RBMS3: variants seen among roughly 807,000 people sequenced by gnomAD.
RBMS3 encodes RNA-binding motif, single-stranded-interacting protein 3.
RBMS3 carries 27 observed loss-of-function variants against 66.8 expected under a neutral mutation model. The ratio of observed to expected loss-of-function variants is 0.40; its 90% CI spans 0.30 to 0.56. The LOEUF (loss-of-function observed/expected upper bound fraction) is 0.56. Among genes scored for constraint, RBMS3 ranks in the 20% least tolerant of loss-of-function variants. The pLI is 0.40. For missense variants in RBMS3, 513 were observed against 549.5 expected (o/e 0.93, Z 0.66); for synonymous variants, 188 against 183.0 (o/e 1.03, Z -0.22).
intron 4 of RBMS3, among the ~76,000 whole-genome samples, chr3:29,623,271 G>A (rs1431342269): frequency 6.6e-6 from 1 of 151,456 alleles, no homozygotes; most frequent in African/African-American, 2.4e-5. Context: ...TATACGCCGA[G>A]TACTAGGCAA....
At chr3:29,329,835 C>G (rs906187654) in intron 1 of RBMS3, among the ~76,000 whole-genome samples, 3 of 147,222 alleles carry the variant, frequency 2.0e-5, no homozygotes, top group African/African-American at 7.4e-5. Context: ...TTTTATAAAT[C>G]ATGTGAAAAA....
In RBMS3 at chr3:29,877,384, A is replaced by G. The variant is rs76032783; in HGVS notation, c.745-6778A>G. Among the ~76,000 whole-genome samples the G allele has an allele frequency of 2.6e-4, 39 of 152,306 alleles. 1 individual carries two copies. The highest frequency in any genetic ancestry group is 2.4e-4 in the Non-Finnish European group (16 of 68,030). On this transcript the variant is annotated intron_variant, in intron 7 of 14. Transcript: ENST00000383767. ...GAGAGGATCACAGAAACCAAAGAAG[A>G]AAAATACACTGGTCAAATGATGCAA...
intron 3 of RBMS3, among the ~76,000 whole-genome samples, chr3:29,586,911 G>A (rs1000688122): frequency 6.6e-6 from 1 of 152,094 alleles, no homozygotes; most frequent in Non-Finnish European, 1.5e-5. Flanking sequence ...TAGAAAATAA[G>A]AGTTACTATT....
chr3:29,702,410 C>A (rs768041070), intron 4 of RBMS3, among the ~76,000 whole-genome samples: 5 of 152,136 alleles, frequency 3.3e-5, no homozygotes, highest in Admixed American at 6.5e-5. Flanking sequence ...GTAAAATGGA[C>A]CAATCAGCAG....
At position 30,006,364 on chromosome 3, in the gene RBMS3, G is replaced by A. The variant is rs1252298223; in HGVS notation, c.*2502G>A. 6.6e-6 allele frequency: 1 copy of A among 151,808 alleles called. No homozygotes were observed. The highest frequency in any genetic ancestry group is 1.5e-5 in the Non-Finnish European group (1 of 67,828). The allele number at this position is 151,808 out of a possible 1,614,324, so 9.4% of individuals were successfully genotyped here. A position where few individuals can be genotyped will look rare whatever the true frequency, so the allele number is the denominator to read the frequency against. Reference sequence around the variant, plus strand: ...CCATGCACTGGAAGCCCAAATCAGAGAATGACTCCATATATTTATGGTCAC... The same window carrying A: ...CCATGCACTGGAAGCCCAAATCAGAAAATGACTCCATATATTTATGGTCAC... On this transcript the variant is annotated 3_prime_UTR_variant, in exon 15 of 15. Transcript: ENST00000383767.
At chr3:29,787,957 A>C (rs1378900306) in intron 6 of RBMS3, among the ~76,000 whole-genome samples, 1 of 152,150 alleles carries the variant, frequency 6.6e-6, no homozygotes, top group Non-Finnish European at 1.5e-5. Context: ...TTATATTTTG[A>C]GTTGGTAATA....
intron 12 of RBMS3, among the ~76,000 whole-genome samples, chr3:29,978,777 T>C (rs528434558): frequency 5.5e-4 from 83 of 152,136 alleles, no homozygotes; most frequent in African/African-American, 1.9e-3. Flanking sequence ...AGAAGGAAGA[T>C]CTTAAGACCT....
intron 10 of RBMS3, among the ~76,000 whole-genome samples, chr3:29,902,697 C>CTTTCCTCA (rs2060284947): frequency 6.6e-6 from 1 of 151,852 alleles, no homozygotes; most frequent in Admixed American, 6.6e-5. Flanking sequence ...CACATTTTCT[C>CTTTCCTCA]TTTCCTCACT....
At chr3:29,399,609 A>G (rs1053526280) in intron 1 of RBMS3, among the ~76,000 whole-genome samples, 5 of 152,316 alleles carry the variant, frequency 3.3e-5, no homozygotes, top group Admixed American at 2.6e-4. Flanking sequence ...GATTACATCA[A>G]TGTCCTGAAT....
At chr3:29,527,324 T>G (rs1233827788) in intron 3 of RBMS3, among the ~76,000 whole-genome samples, 1 of 152,050 alleles carries the variant, frequency 6.6e-6, no homozygotes, top group African/African-American at 2.4e-5. Context: ...CCTAATGCCA[T>G]GTAAACAAGT....
chr3:29,575,203 A>G (rs929147389), intron 3 of RBMS3, among the ~76,000 whole-genome samples: 3 of 151,584 alleles, frequency 2.0e-5, no homozygotes, highest in Non-Finnish European at 2.9e-5. Flanking sequence ...TCCATCAGCT[A>G]TTTTTTCATC....
chr3:29,412,337 T>C (rs1434982889), intron 1 of RBMS3, among the ~76,000 whole-genome samples: 1 of 152,192 alleles, frequency 6.6e-6, no homozygotes, highest in Non-Finnish European at 1.5e-5. Context: ...GCAGTATGCT[T>C]GCAGGTGTTT....
chr3:29,615,886 T>C (rs1329749927), intron 4 of RBMS3: 4 of 152,200 alleles, frequency 2.6e-5, no homozygotes, highest in African/African-American at 9.6e-5. Flanking sequence ...TTAAGAGACA[T>C]AACATGATGA....
At chr3:29,483,045 A>G (rs908013882) in intron 2 of RBMS3, among the ~76,000 whole-genome samples, 1 of 151,900 alleles carries the variant, frequency 6.6e-6, no homozygotes, top group African/African-American at 2.4e-5. Context: ...AGGAAAATTT[A>G]TTTGAAGTTT....
Position 29,281,166 on chromosome 3 carries a change from CT to C in RBMS3, c.-513del, listed in dbSNP as rs1275183487. ...TTTTCTTTTTTTTTTTCTTTTTCCC[CT>C]TTCTTTTTCTTTCTTTCTTTCTTTT... On this transcript the variant is annotated 5_prime_UTR_variant, in exon 1 of 15. Transcript: ENST00000383767. The C allele has an allele frequency of 8.3e-6, 1 of 119,904 alleles. No individual in the cohort carries two copies. Among genetic ancestry groups the C allele is most frequent in the African/African-American group, 3.1e-5 (1 of 32,182 alleles). The allele number at this position is 119,904 out of a possible 1,614,324, so 7.4% of individuals were successfully genotyped here. A position where few individuals can be genotyped will look rare whatever the true frequency, so the allele number is the denominator to read the frequency against.
At chr3:29,367,294 T>A (rs1229866637) in intron 1 of RBMS3, among the ~76,000 whole-genome samples, 2 of 152,186 alleles carry the variant, frequency 1.3e-5, no homozygotes, top group African/African-American at 2.4e-5. Context: ...TCTATGTATA[T>A]CTATGCTAAA....
chr3:29,609,161 T>C (rs1462029909), intron 4 of RBMS3, among the ~76,000 whole-genome samples: 3 of 151,992 alleles, frequency 2.0e-5, no homozygotes, highest in Non-Finnish European at 4.4e-5. Flanking sequence ...ATCAAATGAA[T>C]ATAAAAGTTT....
intron 4 of RBMS3, among the ~76,000 whole-genome samples, chr3:29,658,523 G>T (rs9831584): frequency 0.19 from 29,477 of 152,088 alleles, 3,196 homozygotes; most frequent in East Asian, 0.34. Context: ...CTGCTCTTTA[G>T]CTATGAATGT....
At chr3:29,435,660 C>T (rs772067901) in intron 2 of RBMS3, among the ~76,000 whole-genome samples, 9 of 152,120 alleles carry the variant, frequency 5.9e-5, no homozygotes, top group East Asian at 1.9e-4. Context: ...TAGACCTGGC[C>T]GGGCACAGTG....
Sources: allele counts gnomAD v4.1 joint callset (sites outside exome capture counted in the v4.1 genomes callset), GRCh38; gene constraint gnomAD v4.1.1; transcripts MANE v1.5; gene names NCBI Gene and HGNC (gene_info 2026-07-23, HGNC 2026-07-21).